ECH1: variants seen among roughly 807,000 people sequenced by gnomAD.
ECH1 encodes the protein delta(3,5)-Delta(2,4)-dienoyl-CoA isomerase, mitochondrial.
ECH1 carries 30 observed loss-of-function variants against 37.0 expected under a neutral mutation model. The ratio of observed to expected loss-of-function variants is 0.81; its 90% confidence interval spans 0.61 to 1.10. The LOEUF (loss-of-function observed/expected upper bound fraction) is 1.10, where lower values mean the gene tolerates loss of function less well. Among genes scored for constraint, ECH1 ranks in the 50% least tolerant of loss-of-function variants. ECH1 has a pLI of 0.00. For synonymous variants in ECH1, 178 were observed against 176.0 expected (o/e 1.01, Z -0.09); for missense variants, 456 against 441.6 (o/e 1.03, Z -0.29).
chr19:38,817,134 G>A lies in ECH1; in HGVS notation c.524-5C>T, dbSNP rs765475177. 12 of 1,567,966 alleles carry A rather than the reference G, an allele frequency of 7.7e-6. No individual in the cohort carries two copies. Among genetic ancestry groups the A allele is most frequent in the African/African-American group, 2.7e-5 (2 of 73,532 alleles). On this transcript the variant is annotated splice_region_variant and splice_polypyrimidine_tract_variant and intron_variant, in intron 5 of 9. Coordinates refer to ENST00000221418, the MANE Select transcript of ECH1 (RefSeq NM_001398.3). ...AGGCGGTGACAAGGTCCACACCTAG[G>A]AGGTAGAGGCCAGGGATGCTGAATG...
intron 8 of ECH1, 60 bp downstream of exon 8, chr19:38,816,224 G>A (rs1971573090): frequency 2.5e-6 from 4 of 1,591,896 alleles, no homozygotes; most frequent in Non-Finnish European, 3.4e-6. Flanking sequence ...ACCCGGAGAG[G>A]CCTCCAACCC....
At chr19:38,823,563 C>T (rs149619583) in intron 3 of ECH1, among the ~76,000 whole-genome samples, 3,618 of 152,224 alleles carry the variant, frequency 0.024, 131 homozygotes, top group African/African-American at 0.08. Flanking sequence ...TAACAACTCC[C>T]GACTCTTTGG....
chr19:38,818,131 T>C lies in ECH1; in HGVS notation c.350-556A>G, dbSNP rs947156921. ...CCTTGGCATCCCAAAGCACTGGGATTACACGTGTGAGCCACCATGCCGCAT... is the reference window on the plus strand; with the variant it reads ...CCTTGGCATCCCAAAGCACTGGGATCACACGTGTGAGCCACCATGCCGCAT... On this transcript the variant is annotated intron_variant, in intron 3 of 9. Coordinates refer to ENST00000221418, the MANE Select transcript of ECH1 (RefSeq NM_001398.3). 4 of 788,536 alleles carry C rather than the reference T, an allele frequency of 5.1e-6. No individual in the cohort carries two copies. In the African/African-American group the frequency reaches 7.6e-5, roughly 15 times the overall value. The allele number at this position is 788,536 out of a possible 1,614,324, so 48.8% of individuals were successfully genotyped here. A position where few individuals can be genotyped will look rare whatever the true frequency, so the allele number is the denominator to read the frequency against.
intron 5 of ECH1, 92 bp from the exon 6 acceptor site, chr19:38,817,221 C>G: frequency 6.5e-7 from 1 of 1,544,632 alleles, no homozygotes; most frequent in South Asian, 1.2e-5. Context: ...CAGTCTGGCC[C>G]ATGACAGAGC....
At chr19:38,817,150 A>G in intron 5 of ECH1, 21 bp from the exon 6 acceptor site, 1 of 1,559,956 alleles carries the variant, frequency 6.4e-7, no homozygotes. Context: ...GAGGCCAGGG[A>G]TGCTGAATGA....
chr19:38,816,681 G>A (rs1234812038), intron 6 of ECH1, among the ~76,000 whole-genome samples, 158 bp from the exon 7 acceptor site: 1 of 152,068 alleles, frequency 6.6e-6, no homozygotes, highest in African/African-American at 2.4e-5. Flanking sequence ...GCAGCTTCTT[G>A]ACTCAGGCAA....
In ECH1 at chr19:38,816,270, G is replaced by T; in HGVS notation, c.731+14C>A. ...GCTGCCCCCAGCACTGAGCTACCACGGCCATGGCCCTACCTGACCAGCCCA... is the reference window on the plus strand; with the variant it reads ...GCTGCCCCCAGCACTGAGCTACCACTGCCATGGCCCTACCTGACCAGCCCA... On this transcript the variant is annotated intron_variant, in intron 8 of 9. Transcript: ENST00000221418. 1 of 1,612,148 alleles carries T rather than the reference G, an allele frequency of 6.2e-7. No homozygotes were observed. Among genetic ancestry groups the T allele is most frequent in the East Asian group, 2.2e-5 (1 of 44,876 alleles).
chr19:38,831,467 A>C lies in ECH1; in HGVS notation c.102T>G (p.Thr34=), dbSNP rs1386548783. ...AAGCCTCCTCTTGTGCAGAGGAGCC[A>C]GTGAGGCGAAGGCTAATACTGAGTC... The part of the protein sequence containing the change: ...YPGLSISLRL[T]GSSAQEEASG... Residue 34 remains threonine, a synonymous_variant, in exon 2 of 10, where the codon ACT becomes ACG. Coordinates refer to ENST00000221418, the MANE Select transcript of ECH1 (RefSeq NM_001398.3). The C allele has an allele frequency of 6.2e-7, 1 of 1,614,134 alleles. No homozygotes were observed. Among genetic ancestry groups the C allele is most frequent in the Non-Finnish European group, 8.5e-7 (1 of 1,180,026 alleles).
In ECH1 at chr19:38,816,286, G is replaced by A. The variant is rs765222693; in HGVS notation, c.729C>T (p.Val243=). ...AGCTACCACGGCCATGGCCCTACCTGACCAGCCCACTGCCCAGGGCCTCGT... is the reference window on the plus strand; with the variant it reads ...AGCTACCACGGCCATGGCCCTACCTAACCAGCCCACTGCCCAGGGCCTCGT... ...MADEALGSGL[V]SRVFPDKEVM... The change falls in exon 8 of 10, where the codon GTC becomes GTT. Residue 243 remains valine (V), a splice_region_variant and synonymous_variant. Transcript: ENST00000221418. 12 of 1,612,892 alleles carry A rather than the reference G, an allele frequency of 7.4e-6. No homozygotes were observed. The highest frequency in any genetic ancestry group is 9.3e-6 in the Non-Finnish European group (11 of 1,179,988).
At chr19:38,816,067 C>A in intron 8 of ECH1, 60 bp from the exon 9 acceptor site, 3 of 1,600,166 alleles carry the variant, frequency 1.9e-6, no homozygotes, top group Non-Finnish European at 2.6e-6. Flanking sequence ...TCCAGCCTCC[C>A]GCAGATGAAG....
At chr19:38,817,240 G>A in intron 5 of ECH1, 76 bp downstream of exon 5, 1 of 1,536,762 alleles carries the variant, frequency 6.5e-7, no homozygotes, top group African/African-American at 1.4e-5. Context: ...GCTGAGGCTG[G>A]ATGCCAGTGG....
At chr19:38,816,245 G>T in intron 8 of ECH1, 39 bp downstream of exon 8, 1 of 1,608,206 alleles carries the variant, frequency 6.2e-7, no homozygotes, top group Non-Finnish European at 8.5e-7. Context: ...TCCAGGCCTG[G>T]CTGCCCCCAG....
intron 3 of ECH1, among the ~76,000 whole-genome samples, chr19:38,828,160 T>C (rs1468940918): frequency 1.3e-5 from 2 of 152,192 alleles, no homozygotes; most frequent in African/African-American, 4.8e-5. Context: ...AGTATCCACA[T>C]CTTATTCCTA....
chr19:38,815,852 C>T lies in ECH1; in HGVS notation c.882+5G>A. 1 of 1,614,162 alleles carries T rather than the reference C, an allele frequency of 6.2e-7. No individual in the cohort carries two copies. Among genetic ancestry groups the T allele is most frequent in the Non-Finnish European group, 8.5e-7 (1 of 1,180,014 alleles). ...GGCTGTGATTGGTCGGAGCGTGCAC[C>T]TTACCACGTAGTTGAGGCTCTCGGC... On this transcript the variant is annotated splice_donor_5th_base_variant and intron_variant, in intron 9 of 9. Transcript: ENST00000221418.
chr19:38,820,933 T>C (rs1366193573), intron 3 of ECH1, among the ~76,000 whole-genome samples: 2 of 152,156 alleles, frequency 1.3e-5, no homozygotes, highest in Non-Finnish European at 2.9e-5. Context: ...CACTGAATGT[T>C]TGTCAAATGA....
chr19:38,830,806 C>G, intron 3 of ECH1: 1 of 459,088 alleles, frequency 2.2e-6, no homozygotes, highest in East Asian at 4.4e-5. Context: ...AACCCCGTCT[C>G]TACTAAAAAT....
chr19:38,828,388 C>T lies in ECH1; in HGVS notation c.349+2690G>A, dbSNP rs748001053. ...CTGGGATTACAGGCATGCACCACCA[C>T]GCCGGGAAAATTTTTGTATTTTTAG... is the stretch of plus-strand genomic sequence containing the variant. On this transcript the variant is annotated intron_variant, in intron 3 of 9. Coordinates refer to ENST00000221418, the MANE Select transcript of ECH1 (RefSeq NM_001398.3). Among the ~76,000 whole-genome samples the T allele has an allele frequency of 5.3e-5, 8 of 151,670 alleles. 1 individual carries two copies. The South Asian group carries it at 1.5e-3, about 28-fold the overall frequency.
At chr19:38,826,460 G>A (rs1971739797) in intron 3 of ECH1, among the ~76,000 whole-genome samples, 1 of 152,228 alleles carries the variant, frequency 6.6e-6, no homozygotes, top group Non-Finnish European at 1.5e-5. Flanking sequence ...AGGAAATGCA[G>A]CAGTCCCTAC....
intron 8 of ECH1, 57 bp from the exon 9 acceptor site, chr19:38,816,064 TCC>T (rs1303094754): frequency 1.9e-6 from 3 of 1,601,434 alleles, no homozygotes; most frequent in Non-Finnish European, 2.6e-6. Flanking sequence ...TCCTCCAGCC[TCC>T]CGCAGATGAA....
Sources: allele counts gnomAD v4.1 joint callset (sites outside exome capture counted in the v4.1 genomes callset), GRCh38; gene constraint gnomAD v4.1.1; transcripts MANE v1.5; gene names NCBI Gene and HGNC (gene_info 2026-07-23, HGNC 2026-07-21).